Variants in CTIF observed in about 807,000 individuals in gnomAD.
CTIF encodes the protein CBP80/20-dependent translation initiation factor.
CTIF carries 21 observed loss-of-function variants against 66.0 expected under a neutral mutation model. That is an observed-to-expected ratio of 0.32 (90% CI 0.23 to 0.46). The LOEUF (loss-of-function observed/expected upper bound fraction) is 0.46. CTIF is among the 20% of genes least tolerant of loss of function. CTIF has a pLI of 1.00. For missense variants in CTIF, 739 were observed against 812.7 expected (o/e 0.91, Z 1.10); for synonymous variants, 345 against 326.4 (o/e 1.06, Z -0.62).
intron 1 of CTIF, among the ~76,000 whole-genome samples, chr18:48,612,206 G>A (rs550407917): frequency 3.3e-5 from 5 of 152,334 alleles, no homozygotes; most frequent in South Asian, 4.1e-4. Context: ...GTACATTCTC[G>A]CTGGAGTCTT....
intron 2 of CTIF, among the ~76,000 whole-genome samples, chr18:48,635,273 G>T (rs928849775): frequency 5.3e-5 from 8 of 151,742 alleles, no homozygotes. Context: ...AACATACAGA[G>T]ACTGGGCTTC....
chr18:48,734,075 T>A (rs1293747952), intron 7 of CTIF, among the ~76,000 whole-genome samples: 1 of 152,224 alleles, frequency 6.6e-6, no homozygotes, highest in Non-Finnish European at 1.5e-5. Flanking sequence ...CTAACTCTGC[T>A]AAGCCTGCCC....
chr18:48,634,105 C>T (rs990489268), intron 2 of CTIF, among the ~76,000 whole-genome samples: 2 of 152,176 alleles, frequency 1.3e-5, no homozygotes, highest in African/African-American at 4.8e-5. Context: ...ACAACCTTGA[C>T]ACTTTTGAAG....
intron 7 of CTIF, among the ~76,000 whole-genome samples, chr18:48,717,047 C>T (rs1416645123): frequency 6.6e-6 from 1 of 152,152 alleles, no homozygotes; most frequent in Non-Finnish European, 1.5e-5. Context: ...GCGCTTGCTG[C>T]CTCTGTCCTG....
rs1309351767 is a variant in CTIF at position 48,758,213 on chromosome 18, C to T, written c.879C>T (p.Ser293=). 1.2e-5 allele frequency: 19 copies of T among 1,613,418 alleles called. No individual in the cohort carries two copies. Among genetic ancestry groups the T allele is most frequent in the Admixed American group, 1.7e-5 (1 of 59,984 alleles). The stretch of plus-strand genomic sequence containing the variant: ...CTGCAGGGGACACCGGGCACAGCAG[C>T]CTTGAGGCCCCCCGCAGCCCTGACA... The part of the protein sequence containing the change: ...EDTAGDTGHS[S]LEAPRSPDTL... The change falls in exon 8 of 12, where the codon AGC becomes AGT. Residue 293 remains serine (S), a synonymous_variant. Coordinates refer to ENST00000256413, the MANE Select transcript of CTIF (RefSeq NM_014772.3).
chr18:48,667,082 G>GACACACACACACACACAC (rs4044188), intron 5 of CTIF, among the ~76,000 whole-genome samples: 81 of 142,276 alleles, frequency 5.7e-4, no homozygotes, highest in African/African-American at 1.6e-3. Flanking sequence ...CAGGAAAGTA[G>GACACACACACACACACAC]ACACACACAC....
intron 9 of CTIF, among the ~76,000 whole-genome samples, chr18:48,778,496 C>T (rs1910898098): frequency 6.6e-6 from 1 of 152,212 alleles, no homozygotes; most frequent in Non-Finnish European, 1.5e-5. Context: ...ATGGGACTCT[C>T]ATCCGGGGTT....
intron 10 of CTIF, among the ~76,000 whole-genome samples, chr18:48,829,140 C>T (rs1174208257): frequency 2.0e-5 from 3 of 152,252 alleles, no homozygotes; most frequent in African/African-American, 7.2e-5. Flanking sequence ...AGGATAGAAT[C>T]GTACCTTGCC....
At chr18:48,665,678 T>C (rs2091425112) in intron 5 of CTIF, among the ~76,000 whole-genome samples, 2 of 152,186 alleles carry the variant, frequency 1.3e-5, no homozygotes, top group Admixed American at 1.3e-4. Flanking sequence ...CCAATCTGCT[T>C]TCTGTTTCTA....
At chr18:48,613,370 C>G (rs780716668) in intron 1 of CTIF, among the ~76,000 whole-genome samples, 3 of 152,044 alleles carry the variant, frequency 2.0e-5, no homozygotes, top group Non-Finnish European at 4.4e-5. Flanking sequence ...CTCAGGCTGC[C>G]CCACGGTGTT....
chr18:48,684,146 G>A (rs1014289796), intron 6 of CTIF, among the ~76,000 whole-genome samples: 2 of 152,236 alleles, frequency 1.3e-5, no homozygotes, highest in Admixed American at 1.3e-4. Context: ...GTAGTATAAT[G>A]TGGGGCCACA....
intron 10 of CTIF, among the ~76,000 whole-genome samples, chr18:48,830,017 C>T (rs527754588): frequency 2.8e-4 from 43 of 152,306 alleles, no homozygotes; most frequent in African/African-American, 9.4e-4. Flanking sequence ...CGGGGCCAGG[C>T]CTTTTGAGAA....
chr18:48,646,125 GAC>G (rs1268451433), intron 3 of CTIF, among the ~76,000 whole-genome samples: 1 of 152,142 alleles, frequency 6.6e-6, no homozygotes, highest in Non-Finnish European at 1.5e-5. Flanking sequence ...AGGATGAAGA[GAC>G]AAGTTACAGA....
At chr18:48,669,793 T>A (rs7231252) in intron 5 of CTIF, among the ~76,000 whole-genome samples, 14,754 of 46,800 alleles carry the variant, frequency 0.32, 3,954 homozygotes, top group East Asian at 0.51. Context: ...AGCTAAACAT[T>A]TATATATATA....
At position 48,730,510 on chromosome 18, in the gene CTIF, CT is replaced by C. The variant is rs1170414643; in HGVS notation, c.584+18817del. On this transcript the variant is annotated intron_variant, in intron 7 of 11. Coordinates refer to ENST00000256413, the MANE Select transcript of CTIF (RefSeq NM_014772.3). ...TGAGGGGCTTCTGCGGTGTGAGGGG[CT>C]TCTGCGGTGTGAGGGGCCCCTGTGG... 3.5e-4 allele frequency among the ~76,000 whole-genome samples: 34 copies of C among 95,802 alleles called. 6 individuals carry two copies. The highest frequency in any genetic ancestry group is 1.7e-3 in the Admixed American group (17 of 9,794). 62.8% of individuals were successfully genotyped at this position (95,802 alleles called of 152,430 possible). A position where few individuals can be genotyped will look rare whatever the true frequency, so the allele number is the denominator to read the frequency against.
At chr18:48,735,093 G>A (rs1354776508) in intron 7 of CTIF, among the ~76,000 whole-genome samples, 2 of 135,874 alleles carry the variant, frequency 1.5e-5, no homozygotes, top group Non-Finnish European at 3.1e-5. Context: ...TCCAGTTTGT[G>A]TGCGTGTGTG....
chr18:48,689,600 C>A (rs1401930702), intron 6 of CTIF, among the ~76,000 whole-genome samples: 1 of 152,142 alleles, frequency 6.6e-6, no homozygotes, highest in African/African-American at 2.4e-5. Context: ...TAGGAGGGCC[C>A]ACCTGAAAGG....
chr18:48,552,855 G>A (rs994471177), intron 1 of CTIF, among the ~76,000 whole-genome samples: 11 of 152,188 alleles, frequency 7.2e-5, no homozygotes, highest in Non-Finnish European at 1.6e-4. Context: ...AAGGTCACTG[G>A]TCTTAGATTG....
At chr18:48,570,766 A>C (rs1295657853) in intron 1 of CTIF, among the ~76,000 whole-genome samples, 1 of 152,034 alleles carries the variant, frequency 6.6e-6, no homozygotes, top group East Asian at 1.9e-4. Flanking sequence ...GAGTGAGTGC[A>C]GGGGGTAGGG....
Sources: gnomAD v4.1 joint callset for allele counts (sites outside exome capture counted in the v4.1 genomes callset) on GRCh38, gnomAD v4.1.1 for gene constraint, MANE v1.5 for transcripts, NCBI Gene and HGNC (gene_info 2026-07-23, HGNC 2026-07-21) for gene names.